Variants in HHIPL2 observed in about 807,000 individuals in gnomAD.
The protein encoded by HHIPL2 is HHIP like 2.
In HHIPL2, 61 loss-of-function variants were observed where a neutral mutation model predicts 61.0. The ratio of observed to expected loss-of-function variants is 1.00; its 90% CI spans 0.81 to 1.24. The LOEUF (loss-of-function observed/expected upper bound fraction) is 1.24. Ranked by LOEUF, HHIPL2 falls within the 50% of genes most tolerant of loss-of-function variation. The pLI, the probability that HHIPL2 is intolerant of heterozygous loss-of-function variation, is 0.00. For missense variants in HHIPL2, 885 were observed against 910.2 expected (o/e 0.97, Z 0.36); for synonymous variants, 343 against 357.4 (o/e 0.96, Z 0.45).
intron 5 of HHIPL2, among the ~76,000 whole-genome samples, chr1:222,533,682 G>A (rs1402302813): frequency 6.6e-6 from 1 of 152,200 alleles, no homozygotes; most frequent in Admixed American, 6.5e-5. Context: ...TGAAGATCAG[G>A]CAATGGAGGA....
chr1:222,544,218 G>A, intron 1 of HHIPL2, 29 bp from the exon 2 acceptor site: 1 of 1,583,848 alleles, frequency 6.3e-7, no homozygotes, highest in Non-Finnish European at 8.6e-7. Flanking sequence ...CTCAGGCTCA[G>A]CATCAGACCT....
chr1:222,538,590 T>C (rs778654325), intron 5 of HHIPL2, 58 bp downstream of exon 5: 204 of 1,484,852 alleles, frequency 1.4e-4, no homozygotes, highest in Non-Finnish European at 1.8e-4. Flanking sequence ...ATGTAAGTTA[T>C]ACCTCAGTAA....
In HHIPL2 at chr1:222,540,256, G is replaced by C; in HGVS notation, c.1204C>G (p.Pro402Ala). The change falls in exon 4 of 9, where the codon CCA becomes GCA. Residue 402 changes from proline (P) to alanine (A), a missense_variant. Coordinates refer to ENST00000343410, the MANE Select transcript of HHIPL2 (RefSeq NM_024746.4). The part of the protein sequence containing the change: ...GKRYRVPSDN[P>A]FVSEPGAHPA... ...TGGGCCCCTGGCTCAGAAACAAATG[G>C]ATTGTCCGAGGGGACTCGGTACCGC... 2 of 1,614,252 alleles carry C rather than the reference G, an allele frequency of 1.2e-6. No individual in the cohort carries two copies. The highest frequency in any genetic ancestry group is 1.7e-6 in the Non-Finnish European group (2 of 1,180,042).
intron 2 of HHIPL2, 76 bp from the exon 3 acceptor site, chr1:222,542,231 T>G: frequency 6.5e-7 from 1 of 1,536,400 alleles, no homozygotes; most frequent in Non-Finnish European, 8.7e-7. Flanking sequence ...TACCCAGAAA[T>G]GACTGGGCCA....
rs1055920022 is a variant in HHIPL2, at chr1:222,525,796, C to T, written c.1805+1173G>A. Among the ~76,000 whole-genome samples the T allele has an allele frequency of 3.3e-5, 5 of 151,842 alleles. 1 individual carries two copies. The highest frequency in any genetic ancestry group is 1.3e-4 in the Admixed American group (2 of 15,222). ...GGTGGATCGCTTGAGGCCAGGAGTT[C>T]GAGACTAGCCTGGGCAACATGGCAA... On this transcript the variant is annotated intron_variant, in intron 7 of 8. Coordinates refer to ENST00000343410, the MANE Select transcript of HHIPL2 (RefSeq NM_024746.4).
chr1:222,535,631 T>C (rs965879031), intron 5 of HHIPL2, among the ~76,000 whole-genome samples: 1 of 152,158 alleles, frequency 6.6e-6, no homozygotes, highest in Non-Finnish European at 1.5e-5. Flanking sequence ...ATGCCTTGAC[T>C]CATGGCCCCA....
At chr1:222,529,482 T>A (rs958933) in intron 6 of HHIPL2, among the ~76,000 whole-genome samples, 74,868 of 152,088 alleles carry the variant, frequency 0.49, 20,065 homozygotes, top group African/African-American at 0.69. Flanking sequence ...ATGCCTATAC[T>A]GGACTGCAGT....
rs780208023 is a variant in HHIPL2, at chr1:222,531,991, G to T, written c.1698C>A (p.Ile566=). 1.2e-6 allele frequency: 2 copies of T among 1,608,904 alleles called. No individual in the cohort carries two copies. The highest frequency in any genetic ancestry group is 1.7e-5 in the Admixed American group (1 of 59,834). Residue 566 remains isoleucine (I), a synonymous_variant, in exon 6 of 9, where the codon ATC becomes ATA. Coordinates refer to ENST00000343410, the MANE Select transcript of HHIPL2 (RefSeq NM_024746.4). The part of the protein sequence containing the change: ...PGLISTHSKF[I]ISFAEDEAGE... ...CTGCTTCATCTTCAGCAAAGGAGAT[G>T]ATGAACTTGCTATGGGTGCTGATCA... is the stretch of plus-strand genomic sequence containing the variant.
In HHIPL2 at chr1:222,547,731, A is replaced by G; in HGVS notation, c.314T>C (p.Leu105Pro). Residue 105 changes from leucine (L) to proline (P), a missense_variant, in exon 1 of 9, where the codon CTT (leucine) becomes CCT (proline). Physicochemically the swap from Leu to Pro is moderately conservative, Grantham distance 98. Transcript: ENST00000343410. ...GAAGGCACTTTTCACTACCTGGCAA[A>G]GGATGTCTTTAATGTAATCTCCACA... ...ELCGDYIKDI[L>P]CQECSPYAAH... 1.9e-6 allele frequency: 3 copies of G among 1,610,430 alleles called. No homozygotes were observed. The highest frequency in any genetic ancestry group is 2.5e-6 in the Non-Finnish European group (3 of 1,176,852).
chr1:222,541,533 T>C (rs1659432706), intron 3 of HHIPL2, among the ~76,000 whole-genome samples: 1 of 152,172 alleles, frequency 6.6e-6, no homozygotes, highest in South Asian at 2.1e-4. Context: ...AAATAGATAT[T>C]AGATATAAAT....
chr1:222,546,163 C>T (rs1659553200), intron 1 of HHIPL2, among the ~76,000 whole-genome samples: 1 of 152,222 alleles, frequency 6.6e-6, no homozygotes, highest in Admixed American at 6.5e-5. Context: ...GCGAAATGCA[C>T]AAAGTCTCTC....
chr1:222,526,705 C>CAAA (rs1187186640), intron 7 of HHIPL2, among the ~76,000 whole-genome samples: 35 of 54,196 alleles, frequency 6.5e-4, no homozygotes, highest in Admixed American at 8.3e-4. Flanking sequence ...AACTCCATCT[C>CAAA]AAAAAAAAAA....
chr1:222,522,484 T>A lies in HHIPL2; in HGVS notation c.*117A>T. 9.1e-7 allele frequency: 1 copy of A among 1,100,668 alleles called. No individual in the cohort carries two copies. Among genetic ancestry groups the A allele is most frequent in the Non-Finnish European group, 1.3e-6 (1 of 767,440 alleles). The allele number at this position is 1,100,668 out of a possible 1,614,324, so 68.2% of individuals were successfully genotyped here. On this transcript the variant is annotated 3_prime_UTR_variant, in exon 9 of 9. Coordinates refer to ENST00000343410, the MANE Select transcript of HHIPL2 (RefSeq NM_024746.4). ...TTTCCCAGGGAGAGGAAAACCGCCC[T>A]GCCCCACCTCTACCCTGGCTTCCCA...
chr1:222,534,137 C>G (rs1659249147), intron 5 of HHIPL2, among the ~76,000 whole-genome samples: 1 of 152,190 alleles, frequency 6.6e-6, no homozygotes, highest in Non-Finnish European at 1.5e-5. Context: ...ATATTAATAG[C>G]AAGACCTGAA....
chr1:222,522,842 C>A lies in HHIPL2; in HGVS notation c.1934G>T (p.Arg645Ile). 2 of 1,614,198 alleles carry A rather than the reference C, an allele frequency of 1.2e-6. No homozygotes were observed. The highest frequency in any genetic ancestry group is 2.2e-5 in the South Asian group (2 of 91,088). ...LLKEQSEKAA[R>I]KSSSATLASG... ...AGCTAAGGTTGCACTGGAAGATTTT[C>A]TAGCAGCTTTCTCTGATTGTTCCTT... The change falls in exon 9 of 9, where the codon AGA (arginine) becomes ATA (isoleucine). Residue 645 changes from arginine to isoleucine, a missense_variant. Physicochemically the swap from Arg to Ile is moderately conservative, Grantham distance 97. Transcript: ENST00000343410.
chr1:222,543,329 A>C (rs994089821), intron 2 of HHIPL2, among the ~76,000 whole-genome samples: 6 of 152,196 alleles, frequency 3.9e-5, no homozygotes, highest in African/African-American at 1.4e-4. Flanking sequence ...GTCTTTATTT[A>C]GGGTAACTGT....
intron 5 of HHIPL2, among the ~76,000 whole-genome samples, chr1:222,535,172 C>T (rs574293555): frequency 1.6e-4 from 25 of 152,148 alleles, no homozygotes; most frequent in East Asian, 5.8e-4. Flanking sequence ...AAAATAGTGG[C>T]GCAGCCTCTA....
Position 222,522,455 on chromosome 1 carries a change from A to T in HHIPL2, c.*146T>A. On this transcript the variant is annotated 3_prime_UTR_variant, in exon 9 of 9. Transcript: ENST00000343410. ...TGCATTTATTTATTCAGTAGACAGC[A>T]AGATTTCCCAGGGAGAGGAAAACCG... The T allele has an allele frequency of 1.3e-6, 1 of 752,742 alleles. No homozygotes were observed. The highest frequency in any genetic ancestry group is 2.2e-6 in the Non-Finnish European group (1 of 451,538). 46.6% of individuals were successfully genotyped at this position (752,742 alleles called of 1,614,324 possible). A position where few individuals can be genotyped will look rare whatever the true frequency, so the allele number is the denominator to read the frequency against.
chr1:222,533,163 G>C lies in HHIPL2; in HGVS notation c.1578-1052C>G, dbSNP rs190453666. ...GTGGATCACCTGAGGCCAGGGGTTC[G>C]AGACCAGCCTGACCAACATGGCAAA... On this transcript the variant is annotated intron_variant, in intron 5 of 8. Coordinates refer to ENST00000343410, the MANE Select transcript of HHIPL2 (RefSeq NM_024746.4). Among the ~76,000 whole-genome samples, 8 of 152,170 alleles carry C rather than the reference G, an allele frequency of 5.3e-5. No individual in the cohort carries two copies. In the East Asian group the frequency reaches 1.4e-3, roughly 26 times the overall value.
Sources: gnomAD v4.1 joint callset for allele counts (sites outside exome capture counted in the v4.1 genomes callset) on GRCh38, gnomAD v4.1.1 for gene constraint, MANE v1.5 for transcripts, NCBI Gene and HGNC (gene_info 2026-07-23, HGNC 2026-07-21) for gene names.